The following NXPE2 variants were observed in gnomAD, a reference collection of about 807,000 sequenced individuals.
NXPE2 encodes the protein NXPE family member 2.
NXPE2 carries 34 observed loss-of-function variants against 34.4 expected under a neutral mutation model. The ratio of observed to expected loss-of-function variants is 0.99; its 90% CI spans 0.75 to 1.31. NXPE2 has a LOEUF of 1.31. Ranked by LOEUF, NXPE2 falls within the 40% of genes most tolerant of loss-of-function variation. NXPE2 has a pLI of 0.00. For missense variants in NXPE2, 649 were observed against 672.5 expected, an observed-to-expected ratio of 0.97 and a Z score of 0.39; for synonymous variants, 235 against 231.3, an observed-to-expected ratio of 1.02 and a Z score of -0.15.
chr11:114,674,882 A>G (rs1950840632), upstream of NXPE2, among the ~76,000 whole-genome samples: 1 of 151,884 alleles, frequency 6.6e-6, no homozygotes. Flanking sequence ...TCCCTAATGA[A>G]CATAGATGCA....
chr11:114,717,017 G>A, the NXPE2 span, among the ~76,000 whole-genome samples: 6 of 152,128 alleles, frequency 3.9e-5, no homozygotes, highest in African/African-American at 1.4e-4. Context: ...TTAAAGATTT[G>A]TAAAAATAAA....
At chr11:114,762,278 G>A in the NXPE2 span, among the ~76,000 whole-genome samples, 315 of 152,204 alleles carry the variant, frequency 2.1e-3, no homozygotes, top group African/African-American at 7.4e-3. Flanking sequence ...TGTAATGTGT[G>A]ATGTGAGTGT....
At chr11:114,770,645 C>G in the NXPE2 span, among the ~76,000 whole-genome samples, 271 of 152,324 alleles carry the variant, frequency 1.8e-3, no homozygotes, top group African/African-American at 5.8e-3. Context: ...CAAATTATCT[C>G]AGCTTTACCA....
the NXPE2 span, among the ~76,000 whole-genome samples, chr11:114,786,256 C>T: frequency 3.3e-5 from 5 of 151,908 alleles, no homozygotes; most frequent in South Asian, 2.1e-4. Context: ...CTCAGTAATG[C>T]GTTTTCAAAT....
the NXPE2 span, among the ~76,000 whole-genome samples, chr11:114,800,846 T>C: frequency 6.6e-6 from 1 of 152,262 alleles, no homozygotes; most frequent in South Asian, 2.1e-4. Context: ...AAATCTTGTG[T>C]CTAGAATGTA....
the NXPE2 span, among the ~76,000 whole-genome samples, chr11:114,648,462 A>C: frequency 2.1e-3 from 317 of 152,308 alleles, 1 homozygote; most frequent in Non-Finnish European, 3.5e-3. Flanking sequence ...AAATTGGATG[A>C]GGCTCACCTA....
the NXPE2 span, among the ~76,000 whole-genome samples, chr11:114,625,033 G>C: frequency 0.18 from 27,258 of 151,958 alleles, 2,798 homozygotes; most frequent in Non-Finnish European, 0.22. Flanking sequence ...GTTGCCTCGG[G>C]GGTAAACACT....
At chr11:114,615,499 T>C in the NXPE2 span, among the ~76,000 whole-genome samples, 1 of 151,884 alleles carries the variant, frequency 6.6e-6, no homozygotes, top group Non-Finnish European at 1.5e-5. Context: ...TGTTACCTGG[T>C]GGATAATACA....
At chr11:114,627,279 G>A in the NXPE2 span, among the ~76,000 whole-genome samples, 115 of 152,096 alleles carry the variant, frequency 7.6e-4, no homozygotes, top group African/African-American at 2.6e-3. Context: ...GAAAGGTCGG[G>A]TTACCCTCAA....
the NXPE2 span, among the ~76,000 whole-genome samples, chr11:114,805,288 T>C: frequency 2.6e-5 from 4 of 152,110 alleles, no homozygotes; most frequent in African/African-American, 9.6e-5. Flanking sequence ...GATTTCTGCA[T>C]TTCCAACTGA....
At chr11:114,540,162 G>C in the NXPE2 span, among the ~76,000 whole-genome samples, 1 of 152,104 alleles carries the variant, frequency 6.6e-6, no homozygotes, top group Non-Finnish European at 1.5e-5. Context: ...TCACCATGTT[G>C]GCCAGGCTGG....
chr11:114,609,067 A>G, the NXPE2 span, among the ~76,000 whole-genome samples: 6 of 151,788 alleles, frequency 4.0e-5, no homozygotes, highest in Non-Finnish European at 5.9e-5. Flanking sequence ...CTCGTGGGTA[A>G]CCACTGTTAT....
chr11:114,689,214 A>C (rs1238447396), intron 2 of NXPE2, among the ~76,000 whole-genome samples: 1 of 152,018 alleles, frequency 6.6e-6, no homozygotes, highest in Non-Finnish European at 1.5e-5. Flanking sequence ...TTCTTGATGC[A>C]GGGATTTAGC....
At chr11:114,628,494 C>A in the NXPE2 span, among the ~76,000 whole-genome samples, 2 of 151,730 alleles carry the variant, frequency 1.3e-5, no homozygotes, top group East Asian at 3.9e-4. Flanking sequence ...CACAACGTAC[C>A]AGAATCTCTG....
At chr11:114,772,496 A>AT in the NXPE2 span, among the ~76,000 whole-genome samples, 1 of 152,152 alleles carries the variant, frequency 6.6e-6, no homozygotes, top group Non-Finnish European at 1.5e-5. Context: ...AATATCTTAC[A>AT]TGTAATATGT....
chr11:114,620,783 G>T, the NXPE2 span, among the ~76,000 whole-genome samples: 6 of 151,988 alleles, frequency 3.9e-5, no homozygotes, highest in East Asian at 1.2e-3. Context: ...CTGTTACCTG[G>T]TGGATAATAA....
upstream of NXPE2, among the ~76,000 whole-genome samples, chr11:114,676,439 A>G (rs143965648): frequency 1.0e-3 from 156 of 152,182 alleles, no homozygotes; most frequent in African/African-American, 3.7e-3. Context: ...CAATTAGAAA[A>G]TTGGAAAAGG....
chr11:114,523,769 AATTTCTCC>A, the NXPE2 span, among the ~76,000 whole-genome samples: 1 of 152,110 alleles, frequency 6.6e-6, no homozygotes, highest in African/African-American at 2.4e-5. Context: ...AAGGGCATCC[AATTTCTCC>A]TGTCATGTTT....
At chr11:114,575,580 C>T in the NXPE2 span, among the ~76,000 whole-genome samples, 27,318 of 151,766 alleles carry the variant, frequency 0.18, 2,916 homozygotes, top group African/African-American at 0.28. Flanking sequence ...AAGAGCTCAA[C>T]TCCTTTCACA....
Sources: gnomAD v4.1 joint callset for allele counts (sites outside exome capture counted in the v4.1 genomes callset) on GRCh38, gnomAD v4.1.1 for gene constraint, MANE v1.5 for transcripts, NCBI Gene and HGNC (gene_info 2026-07-23, HGNC 2026-07-21) for gene names.